The following SGO2 variants were observed in gnomAD, a reference collection of about 807,000 sequenced individuals.
SGO2 encodes shugoshin-like 2.
SGO2 carries 68 observed loss-of-function variants against 99.5 expected under a neutral mutation model. That is an observed-to-expected ratio of 0.68 (90% CI 0.56 to 0.84). The LOEUF is 0.84. Among genes scored for constraint, SGO2 ranks in the 40% least tolerant of loss-of-function variants. The pLI is 0.00. For missense variants in SGO2, 1,350 were observed against 1,436.7 expected, an observed-to-expected ratio of 0.94 and a Z score of 0.97; for synonymous variants, 457 against 487.1, an observed-to-expected ratio of 0.94 and a Z score of 0.81.
intron 3 of SGO2, among the ~76,000 whole-genome samples, chr2:200,535,678 G>C (rs961892931): frequency 1.3e-5 from 2 of 152,028 alleles, no homozygotes; most frequent in African/African-American, 4.8e-5. Flanking sequence ...AAAATGAGTA[G>C]AACTTTTTAT....
intron 5 of SGO2, among the ~76,000 whole-genome samples, chr2:200,551,999 T>TAC (rs1422767472): frequency 1.3e-5 from 2 of 152,172 alleles, no homozygotes; most frequent in Admixed American, 1.3e-4. Flanking sequence ...CTTGTCAGTT[T>TAC]ACACACACAC....
At chr2:200,541,473 C>T (rs1335518977) in intron 4 of SGO2, among the ~76,000 whole-genome samples, 1 of 152,210 alleles carries the variant, frequency 6.6e-6, no homozygotes, top group Non-Finnish European at 1.5e-5. Flanking sequence ...AAACCTTCCC[C>T]TCATTCCCAT....
chr2:200,571,975 A>G lies in SGO2; in HGVS notation c.1629A>G (p.Leu543=). ...ASRQTFVIHK[L]EKDNLLPNQK... is the part of the protein sequence containing the mutation. ...GACAGACATTTGTGATTCACAAATT[A>G]GAAAAAGATAACTTACTCCCAAACC... The change falls in exon 7 of 9, where the codon TTA becomes TTG. Residue 543 remains leucine, a synonymous_variant. Transcript: ENST00000357799. 1 of 1,609,400 alleles carries G rather than the reference A, an allele frequency of 6.2e-7. No individual in the cohort carries two copies. The highest frequency in any genetic ancestry group is 8.5e-7 in the Non-Finnish European group (1 of 1,178,604).
rs767239920 is a variant in SGO2 at position 200,573,872 on chromosome 2, T to C, written c.3526T>C (p.Phe1176Leu). The change falls in exon 7 of 9, where the codon TTT (phenylalanine) becomes CTT (leucine). Residue 1176 changes from phenylalanine to leucine, a missense_variant. By Grantham distance (22) the Phe-to-Leu change is conservative (BLOSUM62 0). Coordinates refer to ENST00000357799, the MANE Select transcript of SGO2 (RefSeq NM_152524.6). ...TAAAAATGTGATAATAAAAGAAAAT[T>C]TTGCCTTGGAGTGCTCCCCAGCCTT... ...SGKNVIIKEN[F>L]ALECSPAFQV... is the part of the protein sequence containing the mutation. The C allele has an allele frequency of 6.2e-7, 1 of 1,613,160 alleles. No individual in the cohort carries two copies. The highest frequency in any genetic ancestry group is 8.5e-7 in the Non-Finnish European group (1 of 1,179,474).
chr2:200,528,339 A>C (rs1035185643), intron 1 of SGO2, among the ~76,000 whole-genome samples: 7 of 152,204 alleles, frequency 4.6e-5, no homozygotes, highest in Non-Finnish European at 1.0e-4. Flanking sequence ...AATAATGTAC[A>C]TGGGAGAGAA....
At chr2:200,541,972 TTG>T (rs2031984754) in intron 4 of SGO2, among the ~76,000 whole-genome samples, 5 of 152,168 alleles carry the variant, frequency 3.3e-5, no homozygotes, top group African/African-American at 1.2e-4. Context: ...AAAGTTTTCT[TTG>T]TTTTTTTAGC....
At chr2:200,580,002 GT>G (rs1303087394) in intron 8 of SGO2, among the ~76,000 whole-genome samples, 16 of 152,124 alleles carry the variant, frequency 1.1e-4, no homozygotes, top group African/African-American at 3.9e-4. Context: ...GGACTCTCTG[GT>G]TTTTGTAAGT....
chr2:200,558,878 C>T (rs954032060), intron 5 of SGO2, among the ~76,000 whole-genome samples: 4 of 151,840 alleles, frequency 2.6e-5, no homozygotes, highest in South Asian at 4.2e-4. Flanking sequence ...TCTTGGCTCA[C>T]TGCAGCCTCT....
At position 200,573,730 on chromosome 2, in the gene SGO2, G is replaced by C. The variant is rs776282686; in HGVS notation, c.3384G>C (p.Lys1128Asn). ...NLENEKMVKN[K>N]PDFYTKAFRS... is the part of the protein sequence containing the mutation. Reference sequence around the variant, plus strand: ...AGAATGAGAAAATGGTCAAAAATAAGCCAGACTTTTACACAAAGGCATTTA... The same window carrying C: ...AGAATGAGAAAATGGTCAAAAATAACCCAGACTTTTACACAAAGGCATTTA... The change falls in exon 7 of 9, where the codon AAG (lysine) becomes AAC (asparagine). Residue 1128 changes from lysine (K) to asparagine (N), a missense_variant. Transcript: ENST00000357799. 1.9e-6 allele frequency: 3 copies of C among 1,612,300 alleles called. No homozygotes were observed. The highest frequency in any genetic ancestry group is 2.2e-5 in the South Asian group (2 of 90,706).
Position 200,572,131 on chromosome 2 carries a change from T to C in SGO2, c.1785T>C (p.Tyr595=), listed in dbSNP as rs2033451448. The C allele has an allele frequency of 4.3e-6, 7 of 1,612,974 alleles. No homozygotes were observed. Among genetic ancestry groups the C allele is most frequent in the African/African-American group, 2.7e-5 (2 of 74,986 alleles). The change falls in exon 7 of 9, where the codon TAT becomes TAC. Residue 595 remains tyrosine, a synonymous_variant. Transcript: ENST00000357799. The stretch of plus-strand genomic sequence containing the variant: ...ACAATATATTGGATTTGAAAAAGTA[T>C]GTCACTGATATTCAACCCTCAGAGC... The part of the protein sequence containing the change: ...GTHNILDLKK[Y]VTDIQPSEQN...
At chr2:200,532,832 C>G (rs763492951) in intron 1 of SGO2, 142 bp from the exon 2 acceptor site, 45 of 908,932 alleles carry the variant, frequency 5.0e-5, no homozygotes, top group Non-Finnish European at 6.9e-5. Context: ...TACATTCATA[C>G]TTTCAGATTT....
chr2:200,576,356 G>T (rs977433105), intron 8 of SGO2, among the ~76,000 whole-genome samples: 1 of 151,720 alleles, frequency 6.6e-6, no homozygotes, highest in Non-Finnish European at 1.5e-5. Flanking sequence ...CAGGTGGATT[G>T]CATGAGGCCA....
In SGO2 at chr2:200,571,434, C is replaced by T. The variant is rs1016347547; in HGVS notation, c.1088C>T (p.Ala363Val). 1.2e-6 allele frequency: 2 copies of T among 1,610,472 alleles called. No individual in the cohort carries two copies. The highest frequency in any genetic ancestry group is 2.7e-5 in the African/African-American group (2 of 74,730). Reference protein sequence around the residue: ...DFQLQKTVYDADMDLTASEVS... With the variant: ...DFQLQKTVYDVDMDLTASEVS... ...CAATTGCAGAAAACTGTGTATGATG[C>T]TGACATGGATTTAACTGCTAGTGAA... The change falls in exon 7 of 9, where the codon GCT (alanine) becomes GTT (valine). Residue 363 changes from alanine (A) to valine (V), a missense_variant. Coordinates refer to ENST00000357799, the MANE Select transcript of SGO2 (RefSeq NM_152524.6).
intron 8 of SGO2, among the ~76,000 whole-genome samples, chr2:200,580,896 T>G (rs1262352755): frequency 6.6e-6 from 1 of 152,188 alleles, no homozygotes; most frequent in Non-Finnish European, 1.5e-5. Context: ...TGCAATCAAT[T>G]TTTCTCTGAT....
chr2:200,539,939 T>C (rs2031879725), intron 4 of SGO2, among the ~76,000 whole-genome samples: 1 of 152,178 alleles, frequency 6.6e-6, no homozygotes, highest in South Asian at 2.1e-4. Context: ...GTAATTTCTA[T>C]TGTTCTATCT....
intron 4 of SGO2, among the ~76,000 whole-genome samples, chr2:200,536,930 G>A (rs1372421392): frequency 3.3e-5 from 5 of 151,958 alleles, no homozygotes; most frequent in Non-Finnish European, 7.4e-5. Context: ...CCTCATGCAG[G>A]TGATTGCTTT....
chr2:200,531,745 A>G, intron 1 of SGO2: 1 of 152,236 alleles, frequency 6.6e-6, no homozygotes, highest in East Asian at 1.9e-4. Context: ...AGAAGTCTAA[A>G]TTCAGTTATC....
At chr2:200,544,691 A>AGATCGATC (rs145307081) in intron 5 of SGO2, among the ~76,000 whole-genome samples, 14 of 101,328 alleles carry the variant, frequency 1.4e-4, no homozygotes, top group Admixed American at 1.2e-3. Flanking sequence ...ATTACTTGGG[A>AGATCGATC]GATCTATCTA....
At chr2:200,567,962 T>C (rs1422711930) in intron 5 of SGO2, among the ~76,000 whole-genome samples, 2 of 152,216 alleles carry the variant, frequency 1.3e-5, no homozygotes, top group African/African-American at 4.8e-5. Flanking sequence ...TCAGTTCTCT[T>C]GAATATATGC....
Sources: gnomAD v4.1 joint callset for allele counts (sites outside exome capture counted in the v4.1 genomes callset) on GRCh38, gnomAD v4.1.1 for gene constraint, MANE v1.5 for transcripts, NCBI Gene and HGNC (gene_info 2026-07-23, HGNC 2026-07-21) for gene names.